The following FGD4 variants were observed in gnomAD, a reference collection of about 807,000 sequenced individuals.
FGD4 encodes the protein FYVE, RhoGEF and PH domain-containing protein 4.
A neutral mutation model predicts 102.0 loss-of-function variants in FGD4; 42 were observed. That is an observed-to-expected ratio of 0.41 (90% CI 0.32 to 0.53). The LOEUF (loss-of-function observed/expected upper bound fraction) is 0.53. FGD4 is among the 20% of genes least tolerant of loss of function. The pLI, the probability that FGD4 is intolerant of heterozygous loss-of-function variation, is 0.21. For synonymous variants in FGD4, 380 were observed against 375.7 expected (o/e 1.01, Z -0.13); for missense variants, 902 against 1,078.2 (o/e 0.84, Z 2.29).
intron 11 of FGD4, among the ~76,000 whole-genome samples, chr12:32,623,253 TC>T (rs1281114375): frequency 6.6e-6 from 1 of 152,196 alleles, no homozygotes; most frequent in African/African-American, 2.4e-5. Context: ...GTTGGGTTTC[TC>T]TGCATTTGAA....
At chr12:32,478,052 C>A (rs1166834328) in intron 1 of FGD4, among the ~76,000 whole-genome samples, 1 of 152,154 alleles carries the variant, frequency 6.6e-6, no homozygotes, top group African/African-American at 2.4e-5. Flanking sequence ...AAAAAAATAT[C>A]AAATTAATGC....
At chr12:32,600,295 A>G in intron 5 of FGD4, 1 of 270,782 alleles carries the variant, frequency 3.7e-6, no homozygotes, top group South Asian at 3.8e-5. Context: ...CTAAAGCCAA[A>G]TAACTCGTCA....
Position 32,588,785 on chromosome 12 carries a change from A to G in FGD4, c.1011+6318A>G, listed in dbSNP as rs1017220295. Among the ~76,000 whole-genome samples the G allele has an allele frequency of 5.3e-5, 8 of 152,328 alleles. No individual in the cohort carries two copies. In the East Asian group the frequency reaches 1.5e-3, roughly 29 times the overall value. ...GTCAGCAGTGCCAAGAGAACAAAGG[A>G]TGGGGTTTAACAGAACGTTGAGTTG... is the stretch of plus-strand genomic sequence containing the variant. On this transcript the variant is annotated intron_variant, in intron 4 of 16. Transcript: ENST00000534526.
At chr12:32,610,681 G>C (rs1949082348) in intron 8 of FGD4, 95 bp from the exon 9 acceptor site, 1 of 1,091,734 alleles carries the variant, frequency 9.2e-7, no homozygotes, top group South Asian at 1.3e-5. Context: ...TTGTATCTTT[G>C]GTCTCAGACT....
intron 1 of FGD4, chr12:32,534,519 G>A (rs1277880537): frequency 1.4e-6 from 2 of 1,432,982 alleles, no homozygotes; most frequent in Non-Finnish European, 1.8e-6. Flanking sequence ...TCATTTTCTA[G>A]TAGATATATT....
intron 1 of FGD4, among the ~76,000 whole-genome samples, chr12:32,543,529 A>G (rs1345138312): frequency 6.6e-6 from 1 of 152,192 alleles, no homozygotes; most frequent in East Asian, 1.9e-4. Context: ...GAGTCATTTC[A>G]TCAAAAGAGG....
chr12:32,502,373 G>A, intron 1 of FGD4: 2 of 981,790 alleles, frequency 2.0e-6, no homozygotes, highest in African/African-American at 1.7e-5. Context: ...CCAGTTTGTA[G>A]TACGTTTGTG....
intron 1 of FGD4, among the ~76,000 whole-genome samples, chr12:32,491,322 A>G (rs916692978): frequency 1.3e-5 from 2 of 152,194 alleles, no homozygotes; most frequent in African/African-American, 4.8e-5. Context: ...AAGATCTTCT[A>G]GTAAATAGTG....
intron 2 of FGD4, among the ~76,000 whole-genome samples, chr12:32,569,221 T>C (rs910523877): frequency 1.3e-5 from 2 of 152,314 alleles, no homozygotes; most frequent in South Asian, 2.1e-4. Flanking sequence ...TAATATCCTC[T>C]TAATTGTCCA....
intron 1 of FGD4, among the ~76,000 whole-genome samples, chr12:32,530,354 G>A (rs538829503): frequency 6.6e-5 from 10 of 152,164 alleles, no homozygotes; most frequent in Admixed American, 1.3e-4. Flanking sequence ...CTGGTGGCAC[G>A]TGTCTATAAT....
rs1321360415 is a variant in FGD4 at position 32,544,197 on chromosome 12, G to A, written c.167-19940G>A. ...TCCCAGCACTTTGGGAGTCCGAGAT[G>A]GGTGGATCTCCTGAGGTCAGGATTT... On this transcript the variant is annotated intron_variant, in intron 1 of 16. Transcript: ENST00000534526. This position sits in a 1 kb window ranked among gnomAD's most constrained non-coding sequence, Gnocchi z 4.1. 6.6e-6 allele frequency among the ~76,000 whole-genome samples: 1 copy of A among 151,866 alleles called. No homozygotes were observed. The highest frequency in any genetic ancestry group is 1.5e-5 in the Non-Finnish European group (1 of 67,966).
intron 1 of FGD4, among the ~76,000 whole-genome samples, chr12:32,537,010 A>G (rs530302621): frequency 6.6e-6 from 1 of 150,542 alleles, no homozygotes; most frequent in Non-Finnish European, 1.5e-5. Flanking sequence ...CGGGGTTCAC[A>G]CCATTCTCCT....
intron 15 of FGD4, chr12:32,637,622 T>TAAATAAATA (rs377501385): frequency 6.9e-6 from 1 of 144,876 alleles, no homozygotes; most frequent in Non-Finnish European, 1.5e-5. Flanking sequence ...AATAAATAAA[T>TAAATAAATA]AATAAATAAG....
chr12:32,466,124 T>A (rs942235787), intron 1 of FGD4, among the ~76,000 whole-genome samples: 2 of 152,184 alleles, frequency 1.3e-5, no homozygotes, highest in Non-Finnish European at 2.9e-5. Context: ...TAAAATATAA[T>A]GGTATTGCAC....
rs1951382492 is a variant in FGD4 at position 32,645,924 on chromosome 12, A to G, written c.*5391A>G. 6.6e-6 allele frequency: 1 copy of G among 152,212 alleles called. No individual in the cohort carries two copies. The highest frequency in any genetic ancestry group is 1.5e-5 in the Non-Finnish European group (1 of 68,034). The allele number at this position is 152,212 out of a possible 1,614,324, so 9.4% of individuals were successfully genotyped here. A position where few individuals can be genotyped will look rare whatever the true frequency, so the allele number is the denominator to read the frequency against. Reference sequence around the variant, plus strand: ...TGTAAAATACTTGCAGATAATGTATATATTGTGTAATATATGTATATTTGG... The same window carrying G: ...TGTAAAATACTTGCAGATAATGTATGTATTGTGTAATATATGTATATTTGG... On this transcript the variant is annotated 3_prime_UTR_variant, in exon 17 of 17. Transcript: ENST00000534526.
chr12:32,501,996 G>T (rs963207326), intron 1 of FGD4: 5 of 979,378 alleles, frequency 5.1e-6, no homozygotes, highest in Non-Finnish European at 6.1e-6. Flanking sequence ...CAAGCCCTGC[G>T]CATGTGAGTG....
intron 11 of FGD4, among the ~76,000 whole-genome samples, chr12:32,622,752 C>A (rs909471923): frequency 2.6e-5 from 4 of 152,174 alleles, no homozygotes. Context: ...TGCTGCCACA[C>A]CCAGCTAATT....
chr12:32,499,317 A>C (rs1938020395), intron 1 of FGD4, among the ~76,000 whole-genome samples: 1 of 152,194 alleles, frequency 6.6e-6, no homozygotes, highest in Non-Finnish European at 1.5e-5. Flanking sequence ...CAGGCCCTAT[A>C]ATTAGATTCC....
chr12:32,520,828 C>T (rs1233730506), intron 1 of FGD4, among the ~76,000 whole-genome samples: 1 of 152,118 alleles, frequency 6.6e-6, no homozygotes. Flanking sequence ...CTAGGGGATG[C>T]ATGCCCAGGA....
Sources: allele counts gnomAD v4.1 joint callset (sites outside exome capture counted in the v4.1 genomes callset), GRCh38; gene constraint gnomAD v4.1.1; non-coding constraint Gnocchi (gnomAD v3.1); transcripts MANE v1.5; gene names NCBI Gene and HGNC (gene_info 2026-07-23, HGNC 2026-07-21).